The following ADGRL3 variants were observed in gnomAD, a reference collection of about 807,000 sequenced individuals.
The protein encoded by ADGRL3 is calcium-independent alpha-latrotoxin receptor 3.
Under a neutral mutation model 153.5 loss-of-function variants are expected in ADGRL3, and 62 were observed. The observed-to-expected ratio is 0.40, with a 90% confidence interval of 0.33 to 0.50. The LOEUF is 0.50. Among genes scored for constraint, ADGRL3 ranks in the 20% least tolerant of loss-of-function variants. The probability of loss-of-function intolerance (pLI) is 0.47; values close to 1 mark genes in which losing one functional copy is unlikely to be tolerated. For missense variants in ADGRL3, 1,641 were observed against 1,859.4 expected, an observed-to-expected ratio of 0.88 and a Z score of 2.16; for synonymous variants, 710 against 672.5, an observed-to-expected ratio of 1.06 and a Z score of -0.86.
intron 5 of ADGRL3, among the ~76,000 whole-genome samples, chr4:61,617,531 A>AT (rs1287261035): frequency 6.6e-6 from 1 of 152,038 alleles, no homozygotes; most frequent in African/African-American, 2.4e-5. Flanking sequence ...CACCTCTTAG[A>AT]TTTTTCCCAA....
intron 8 of ADGRL3, among the ~76,000 whole-genome samples, chr4:61,762,232 T>C (rs751713974): frequency 6.6e-6 from 1 of 152,152 alleles, no homozygotes; most frequent in Non-Finnish European, 1.5e-5. Flanking sequence ...TTGACAAATT[T>C]CTAGGAATTT....
chr4:61,401,930 G>A (rs2096934574), intron 2 of ADGRL3, among the ~76,000 whole-genome samples: 1 of 152,046 alleles, frequency 6.6e-6, no homozygotes, highest in African/African-American at 2.4e-5. Flanking sequence ...GGGCCAGATA[G>A]TAAACACTTT....
intron 4 of ADGRL3, among the ~76,000 whole-genome samples, chr4:61,562,861 C>T (rs982659469): frequency 6.7e-6 from 1 of 150,160 alleles, no homozygotes; most frequent in Non-Finnish European, 1.5e-5. Context: ...TCAATCCTTG[C>T]TTGAACCTAG....
chr4:61,653,281 C>T (rs1343472330), intron 5 of ADGRL3, among the ~76,000 whole-genome samples: 1 of 152,062 alleles, frequency 6.6e-6, no homozygotes. Flanking sequence ...GAAACCAAGC[C>T]TGCTGGGCCT....
chr4:61,827,290 A>G (rs1034286686), intron 9 of ADGRL3, among the ~76,000 whole-genome samples: 1 of 152,172 alleles, frequency 6.6e-6, no homozygotes, highest in Non-Finnish European at 1.5e-5. Flanking sequence ...ATAGTGTTAG[A>G]CTTTTGACTG....
intron 3 of ADGRL3, among the ~76,000 whole-genome samples, chr4:61,502,167 C>T (rs1241340091): frequency 6.6e-6 from 1 of 152,120 alleles, no homozygotes; most frequent in Non-Finnish European, 1.5e-5. Context: ...GTACCTGGGG[C>T]TCATTTTGAT....
At chr4:61,488,911 A>G (rs915078272) in intron 2 of ADGRL3, among the ~76,000 whole-genome samples, 3 of 151,972 alleles carry the variant, frequency 2.0e-5, no homozygotes, top group Non-Finnish European at 4.4e-5. Flanking sequence ...GGTATTTACA[A>G]TGGACCTTCT....
At chr4:61,810,219 A>G (rs2097596789) in intron 8 of ADGRL3, among the ~76,000 whole-genome samples, 1 of 152,136 alleles carries the variant, frequency 6.6e-6, no homozygotes, top group Admixed American at 6.5e-5. Context: ...AAATAATGCC[A>G]TTCTAAGAGA....
chr4:61,915,714 A>G (rs1302338438), intron 13 of ADGRL3, among the ~76,000 whole-genome samples: 1 of 152,188 alleles, frequency 6.6e-6, no homozygotes, highest in Non-Finnish European at 1.5e-5. Flanking sequence ...CTCTTAATGT[A>G]GATCATTATT....
intron 10 of ADGRL3, among the ~76,000 whole-genome samples, chr4:61,894,312 G>A (rs1474359197): frequency 6.6e-6 from 1 of 152,086 alleles, no homozygotes; most frequent in African/African-American, 2.4e-5. Flanking sequence ...ATATTCCATG[G>A]TATAGGAAAT....
chr4:61,980,725 G>A (rs551778790), intron 18 of ADGRL3, among the ~76,000 whole-genome samples: 6 of 152,232 alleles, frequency 3.9e-5, no homozygotes, highest in African/African-American at 4.8e-5. Flanking sequence ...ACAGGTGTGA[G>A]GCACCATGCC....
chr4:61,872,374 C>A (rs1231977517), intron 9 of ADGRL3, among the ~76,000 whole-genome samples: 1 of 149,784 alleles, frequency 6.7e-6, no homozygotes, highest in African/African-American at 2.4e-5. Flanking sequence ...TGCCTGCCAA[C>A]ATACCATTTC....
intron 25 of ADGRL3, among the ~76,000 whole-genome samples, chr4:62,061,159 A>T (rs1324774795): frequency 6.6e-6 from 1 of 151,816 alleles, no homozygotes; most frequent in African/African-American, 2.4e-5. Context: ...ACTATTACCC[A>T]CACTTCCCTT....
intron 9 of ADGRL3, among the ~76,000 whole-genome samples, chr4:61,824,662 G>T (rs2097785151): frequency 6.6e-6 from 1 of 152,086 alleles, no homozygotes; most frequent in Non-Finnish European, 1.5e-5. Context: ...GTAACAGTCT[G>T]CTCAACCCCA....
At chr4:62,054,793 C>T (rs1007874045) in intron 25 of ADGRL3, among the ~76,000 whole-genome samples, 20 of 151,404 alleles carry the variant, frequency 1.3e-4, no homozygotes, top group African/African-American at 4.4e-4. Flanking sequence ...TTCAACTGCC[C>T]AATAGAAATG....
At chr4:61,648,838 A>C (rs2150352301) in intron 5 of ADGRL3, among the ~76,000 whole-genome samples, 1 of 152,184 alleles carries the variant, frequency 6.6e-6, no homozygotes, top group East Asian at 1.9e-4. Context: ...TTATTGATGA[A>C]GAAATTGAGG....
chr4:61,838,365 A>G (rs1159314101), intron 9 of ADGRL3, among the ~76,000 whole-genome samples: 1 of 152,180 alleles, frequency 6.6e-6, no homozygotes, highest in African/African-American at 2.4e-5. Flanking sequence ...ACCTAGCTCT[A>G]TAAAAAGGAA....
chr4:61,963,763 T>C (rs1363740015), intron 17 of ADGRL3, among the ~76,000 whole-genome samples: 1 of 152,210 alleles, frequency 6.6e-6, no homozygotes, highest in East Asian at 1.9e-4. Context: ...ATGCACAGCT[T>C]GGATCCTCAC....
intron 19 of ADGRL3, among the ~76,000 whole-genome samples, chr4:61,991,095 TTAAG>T (rs1326047341): frequency 1.3e-5 from 2 of 151,792 alleles, no homozygotes; most frequent in African/African-American, 4.8e-5. Context: ...TCTAGCATAG[TTAAG>T]TATTTATTAA....
Sources: gnomAD v4.1 joint callset for allele counts (sites outside exome capture counted in the v4.1 genomes callset) on GRCh38, gnomAD v4.1.1 for gene constraint, MANE v1.5 for transcripts, NCBI Gene and HGNC (gene_info 2026-07-23, HGNC 2026-07-21) for gene names.